RB1: variants seen among roughly 807,000 people sequenced by gnomAD.
RB1 encodes the protein RB transcriptional corepressor 1.
A neutral mutation model predicts 135.4 loss-of-function variants in RB1; 18 were observed. The observed-to-expected ratio is 0.13, with a 90% CI of 0.09 to 0.20. The LOEUF (loss-of-function observed/expected upper bound fraction) is 0.20, where lower values mean the gene tolerates loss of function less well. Ranked by LOEUF, RB1 falls within the 10% of genes least tolerant of loss-of-function variation. The pLI, the probability that RB1 is intolerant of heterozygous loss-of-function variation, is 1.00. For missense variants in RB1, 868 were observed against 1,110.0 expected (o/e 0.78, Z 3.10); for synonymous variants, 365 against 373.2 (o/e 0.98, Z 0.25).
intron 13 of RB1, among the ~76,000 whole-genome samples, chr13:48,378,399 C>A (rs973279323): frequency 3.3e-5 from 5 of 151,898 alleles, no homozygotes; most frequent in African/African-American, 1.2e-4. Context: ...CAAAGGCAAA[C>A]ACACACATTA....
chr13:48,448,702 T>A (rs1949306255), intron 17 of RB1, among the ~76,000 whole-genome samples: 1 of 152,188 alleles, frequency 6.6e-6, no homozygotes, highest in South Asian at 2.1e-4. Flanking sequence ...TTTAACACAT[T>A]CATACATACA....
In RB1 at chr13:48,453,114, A is replaced by G. The variant is rs376886420; in HGVS notation, c.1814+3A>G. 4.4e-5 allele frequency: 71 copies of G among 1,610,446 alleles called. No individual in the cohort carries two copies. Among genetic ancestry groups the G allele is most frequent in the Non-Finnish European group, 5.7e-5 (67 of 1,178,408 alleles). On this transcript the variant is annotated splice_donor_region_variant and intron_variant, in intron 18 of 26. Transcript: ENST00000267163. The stretch of plus-strand genomic sequence containing the variant: ...AATAATCACACTGCAGCAGATATGT[A>G]AGCAAAATATATGTTATGTTGACCA...
At chr13:48,416,656 C>T (rs925867697) in intron 17 of RB1, 1 of 152,310 alleles carries the variant, frequency 6.6e-6, no homozygotes, top group Non-Finnish European at 1.5e-5. Flanking sequence ...ATCCCACCCC[C>T]ACAGAGCCCA....
At chr13:48,390,978 G>A (rs749495984) in intron 17 of RB1, among the ~76,000 whole-genome samples, 18 of 152,002 alleles carry the variant, frequency 1.2e-4, no homozygotes, top group Non-Finnish European at 2.6e-4. Flanking sequence ...TGATATGGTT[G>A]GGTTTAAATT....
chr13:48,463,930 C>T (rs1593538320), intron 21 of RB1, 95 bp downstream of exon 21: 1 of 774,636 alleles, frequency 1.3e-6, no homozygotes, highest in Non-Finnish European at 2.3e-6. Flanking sequence ...TTAATGAGAT[C>T]ATATATTCTG....
intron 18 of RB1, among the ~76,000 whole-genome samples, chr13:48,454,812 A>G (rs1949350253): frequency 6.6e-6 from 1 of 152,256 alleles, no homozygotes; most frequent in Non-Finnish European, 1.5e-5. Flanking sequence ...CAGCAAGTGC[A>G]GTGGCTGTAG....
At chr13:48,368,718 A>G (rs1411697193) in intron 11 of RB1, 114 bp downstream of exon 11, 4 of 1,420,684 alleles carry the variant, frequency 2.8e-6, no homozygotes, top group Non-Finnish European at 3.7e-6. Flanking sequence ...AGAAATATAT[A>G]TTGAAGGCCA....
At chr13:48,349,433 T>G (rs564895999) in intron 6 of RB1, among the ~76,000 whole-genome samples, 1 of 152,082 alleles carries the variant, frequency 6.6e-6, no homozygotes, top group South Asian at 2.1e-4. Flanking sequence ...TTATTATTTT[T>G]GTTTGTTTAT....
Position 48,360,019 on chromosome 13 carries a change from G to A in RB1, c.610G>A (p.Glu204Lys), listed in dbSNP as rs1340261233. 1.2e-6 allele frequency: 2 copies of A among 1,610,562 alleles called. No homozygotes were observed. The highest frequency in any genetic ancestry group is 8.5e-7 in the Non-Finnish European group (1 of 1,178,610). Residue 204 changes from glutamate to lysine, a missense_variant and splice_region_variant, in exon 7 of 27, where the codon GAA (glutamate) becomes AAA (lysine). Glu to Lys is a moderately conservative substitution (Grantham distance 56, BLOSUM62 1). Transcript: ENST00000267163. The part of the protein sequence containing the change: ...SWITFLLAKG[E>K]VLQMEDDLVI... The stretch of plus-strand genomic sequence containing the variant: ...AAAAATGTACATTTTTTTTTCAGGG[G>A]AAGTATTACAAATGGAAGATGATCT...
chr13:48,319,534 G>A lies in RB1; in HGVS notation c.264+12128G>A. 3.8e-6 allele frequency: 1 copy of A among 265,142 alleles called. No homozygotes were observed. Among genetic ancestry groups the A allele is most frequent in the South Asian group, 4.3e-5 (1 of 23,316 alleles). The allele number at this position is 265,142 out of a possible 1,614,324, so 16.4% of individuals were successfully genotyped here. On this transcript the variant is annotated intron_variant, in intron 2 of 26. Coordinates refer to ENST00000267163, the MANE Select transcript of RB1 (RefSeq NM_000321.3). The surrounding 1 kb of genome is among the most constrained non-coding windows in gnomAD (Gnocchi z 5.0). ...GGGCTGCAGGGGGCTGCTGGCTTCG[G>A]GCTGCCCTTGTTCTCCTGCTTGGTC...
At chr13:48,316,719 T>TCACACACACACA (rs60176662) in intron 2 of RB1, 2 of 107,504 alleles carry the variant, frequency 1.9e-5, no homozygotes, top group African/African-American at 3.5e-5. Context: ...CACAGAACCA[T>TCACACACACACA]CACACACACA....
intron 17 of RB1, among the ~76,000 whole-genome samples, chr13:48,400,161 A>G (rs1948679444): frequency 6.6e-6 from 1 of 152,158 alleles, no homozygotes; most frequent in Non-Finnish European, 1.5e-5. Flanking sequence ...TATACAGACC[A>G]GCATCAAAAT....
intron 12 of RB1, among the ~76,000 whole-genome samples, chr13:48,374,950 TGA>T (rs1340008090): frequency 3.9e-5 from 6 of 152,172 alleles, no homozygotes. Context: ...CACTCATTAG[TGA>T]GAACATGCAG....
At chr13:48,365,003 A>T (rs1952681072) in intron 9 of RB1, 32 bp downstream of exon 9, 1 of 1,545,412 alleles carries the variant, frequency 6.5e-7, no homozygotes, top group Non-Finnish European at 8.8e-7. Flanking sequence ...TAAAATATTA[A>T]TGTTTTGAGA....
chr13:48,315,716 G>C (rs1952175551), intron 2 of RB1, among the ~76,000 whole-genome samples: 1 of 152,150 alleles, frequency 6.6e-6, no homozygotes, highest in Admixed American at 6.5e-5. Flanking sequence ...AGTTTGTTGA[G>C]CTATATACCA....
At chr13:48,368,186 G>A (rs949779431) in intron 10 of RB1, among the ~76,000 whole-genome samples, 2 of 152,086 alleles carry the variant, frequency 1.3e-5, no homozygotes, top group African/African-American at 2.4e-5. Flanking sequence ...AAGGAATAAT[G>A]CATTGAAAAA....
At chr13:48,400,280 T>G (rs1474095669) in intron 17 of RB1, among the ~76,000 whole-genome samples, 1 of 152,132 alleles carries the variant, frequency 6.6e-6, no homozygotes, top group Admixed American at 6.6e-5. Context: ...TATTAACTCA[T>G]AACTTCTCAC....
chr13:48,368,101 G>A (rs1365426485), intron 10 of RB1, among the ~76,000 whole-genome samples: 4 of 152,070 alleles, frequency 2.6e-5, no homozygotes, highest in African/African-American at 9.7e-5. Context: ...ATATGAAACT[G>A]AAAATATGCG....
intron 17 of RB1, among the ~76,000 whole-genome samples, chr13:48,435,374 G>C (rs1949172914): frequency 6.6e-6 from 1 of 152,122 alleles, no homozygotes; most frequent in South Asian, 2.1e-4. Flanking sequence ...CCTCTCTGGT[G>C]AAATTTCTCT....
Sources: allele counts gnomAD v4.1 joint callset (sites outside exome capture counted in the v4.1 genomes callset), GRCh38; gene constraint gnomAD v4.1.1; non-coding constraint Gnocchi (gnomAD v3.1); transcripts MANE v1.5; gene names NCBI Gene and HGNC (gene_info 2026-07-23, HGNC 2026-07-21).